KYNU: variants seen among roughly 807,000 people sequenced by gnomAD.
KYNU encodes kynureninase.
KYNU carries 54 observed loss-of-function variants against 59.2 expected under a neutral mutation model. The observed-to-expected ratio is 0.91, with a 90% CI of 0.73 to 1.14. The LOEUF (loss-of-function observed/expected upper bound fraction) is 1.14, where lower values mean the gene tolerates loss of function less well. KYNU is among the 50% of genes most tolerant of loss of function. KYNU has a pLI of 0.00. For missense variants in KYNU, 567 were observed against 554.4 expected, an observed-to-expected ratio of 1.02 and a Z score of -0.23; for synonymous variants, 177 against 192.0, an observed-to-expected ratio of 0.92 and a Z score of 0.65.
chr2:142,929,816 G>A (rs2105020033), intron 4 of KYNU, among the ~76,000 whole-genome samples: 1 of 152,230 alleles, frequency 6.6e-6, no homozygotes, highest in East Asian at 1.9e-4. Context: ...TGAAAACCAA[G>A]GTTCTTATTA....
chr2:143,030,623 C>T (rs1257705473), intron 11 of KYNU, among the ~76,000 whole-genome samples: 1 of 151,964 alleles, frequency 6.6e-6, no homozygotes, highest in Admixed American at 6.6e-5. Flanking sequence ...TAGAGGTGTG[C>T]ACCACCATGA....
intron 8 of KYNU, among the ~76,000 whole-genome samples, chr2:142,971,619 A>C (rs1684727528): frequency 6.6e-6 from 1 of 152,202 alleles, no homozygotes; most frequent in Non-Finnish European, 1.5e-5. Flanking sequence ...AGAGTGTTCA[A>C]TGACTGATTG....
intron 10 of KYNU, among the ~76,000 whole-genome samples, chr2:143,022,064 A>G (rs192946972): frequency 6.6e-6 from 1 of 152,286 alleles, no homozygotes; most frequent in Non-Finnish European, 1.5e-5. Context: ...ATGTAACTTG[A>G]AAGTACAGTA....
chr2:142,898,611 C>T (rs1031505192), intron 2 of KYNU, among the ~76,000 whole-genome samples: 1 of 152,102 alleles, frequency 6.6e-6, no homozygotes, highest in Non-Finnish European at 1.5e-5. Context: ...CAAAAATAAA[C>T]ATTAATTATA....
rs566341703 is a variant in KYNU at position 142,930,653 on chromosome 2, C to T, written c.373+2912C>T. 3.3e-5 allele frequency among the ~76,000 whole-genome samples: 5 copies of T among 152,242 alleles called. No individual in the cohort carries two copies. In the South Asian group the frequency reaches 1.0e-3, roughly 32 times the overall value. On this transcript the variant is annotated intron_variant, in intron 4 of 13. Transcript: ENST00000264170. ...GAGGAAACAGTTCTCTGGTGTCTCT[C>T]ACACGTCTTATAAGGACACCTAAGG...
rs1283524057 is a variant in KYNU, at chr2:142,918,735, T to C, written c.290+6T>C. 3.7e-6 allele frequency: 6 copies of C among 1,609,776 alleles called. No individual in the cohort carries two copies. The African/African-American group carries it at 6.7e-5, about 18-fold the overall frequency. ...CTAGATAAGTGGGCCAAAATGTAAG[T>C]ATTATTTTAAAAGCTACTACTCTAC... is the stretch of plus-strand genomic sequence containing the variant. On this transcript the variant is annotated splice_donor_region_variant and intron_variant, in intron 3 of 13. Coordinates refer to ENST00000264170, the MANE Select transcript of KYNU (RefSeq NM_003937.3).
rs1558990211 is a variant in KYNU at position 143,042,610 on chromosome 2, A to ATG, written c.*439_*440insGT. On this transcript the variant is annotated 3_prime_UTR_variant, in exon 14 of 14. Transcript: ENST00000264170. ...TATATATATATATATATATATATAT[A>ATG]TATATATATATATATATATATGTGT... 7 of 10,018 alleles carry ATG rather than the reference A, an allele frequency of 7.0e-4. No individual in the cohort carries two copies. The highest frequency in any genetic ancestry group is 4.2e-3 in the East Asian group (2 of 472). 0.6% of individuals were successfully genotyped at this position (10,018 alleles called of 1,614,324 possible). A position where few individuals can be genotyped will look rare whatever the true frequency, so the allele number is the denominator to read the frequency against.
intron 4 of KYNU, among the ~76,000 whole-genome samples, chr2:142,928,993 G>A (rs1266590439): frequency 8.2e-6 from 1 of 122,614 alleles, no homozygotes; most frequent in African/African-American, 3.2e-5. Flanking sequence ...GGACGACAGG[G>A]TGACACCCTG....
In KYNU at chr2:143,018,764, G is replaced by T. The variant is rs1041852031; in HGVS notation, c.903-10863G>T. ...CATTTTAACAATATTGATTCCATGA[G>T]CAAGGAATGTTTTTCCATTTGTGTC... On this transcript the variant is annotated intron_variant, in intron 10 of 13. Coordinates refer to ENST00000264170, the MANE Select transcript of KYNU (RefSeq NM_003937.3). Among the ~76,000 whole-genome samples, 4 of 152,120 alleles carry T rather than the reference G, an allele frequency of 2.6e-5. No individual in the cohort carries two copies. In the East Asian group the frequency reaches 7.7e-4, roughly 29 times the overall value.
At chr2:142,999,007 CAAAAAAAAAAAAAAAAA>C (rs59742828) in intron 10 of KYNU, among the ~76,000 whole-genome samples, 1 of 63,490 alleles carries the variant, frequency 1.6e-5, no homozygotes, top group African/African-American at 7.1e-5. Flanking sequence ...GACTCCGTCT[CAAAAAAAAAAAAAAAAA>C]AAAAAAAAAA....
chr2:142,939,374 C>T (rs1488187466), intron 4 of KYNU, among the ~76,000 whole-genome samples: 1 of 151,932 alleles, frequency 6.6e-6, no homozygotes, highest in South Asian at 2.1e-4. Flanking sequence ...GAGGCTGAAG[C>T]GGGCAGATCA....
At position 142,918,579 on chromosome 2, in the gene KYNU, T is replaced by A. The variant is rs531759090; in HGVS notation, c.170-30T>A. 2,121 of 1,503,426 alleles carry A rather than the reference T, an allele frequency of 1.4e-3. 20 individuals are homozygous for A. The African/African-American group carries it at 0.024, about 17-fold the overall frequency. 93.1% of individuals were successfully genotyped at this position (1,503,426 alleles called of 1,614,324 possible). On this transcript the variant is annotated intron_variant, in intron 2 of 13. Coordinates refer to ENST00000264170, the MANE Select transcript of KYNU (RefSeq NM_003937.3). ...CATACTGAAAAAGCTTTTATTTTTT[T>A]TTTTTTTTTTGACATTTCTTCTGTT...
chr2:142,996,158 C>T (rs141836656), intron 10 of KYNU, among the ~76,000 whole-genome samples: 13 of 152,090 alleles, frequency 8.5e-5, no homozygotes, highest in Admixed American at 6.6e-4. Context: ...TTCTTGAAGA[C>T]GGAATTGTAG....
intron 2 of KYNU, among the ~76,000 whole-genome samples, chr2:142,901,344 T>C (rs979423680): frequency 3.3e-5 from 5 of 152,216 alleles, no homozygotes; most frequent in Admixed American, 3.3e-4. Context: ...GGTTCCCCGT[T>C]CTATTTCTCC....
intron 10 of KYNU, among the ~76,000 whole-genome samples, chr2:142,996,779 A>G (rs1685559064): frequency 1.3e-5 from 2 of 152,172 alleles, no homozygotes; most frequent in South Asian, 4.1e-4. Flanking sequence ...TTCATGAGGA[A>G]CAAGATTACA....
At chr2:142,926,844 T>A in intron 3 of KYNU, among the ~76,000 whole-genome samples, 1 of 152,068 alleles carries the variant, frequency 6.6e-6, no homozygotes, top group East Asian at 1.9e-4. Flanking sequence ...GGTTCAACTT[T>A]ATTAAATGTT....
intron 2 of KYNU, among the ~76,000 whole-genome samples, chr2:142,893,246 G>A (rs1681768598): frequency 6.6e-6 from 1 of 152,148 alleles, no homozygotes; most frequent in South Asian, 2.1e-4. Context: ...GAAGAAGGTG[G>A]TAGAAACAAA....
chr2:142,984,275 T>C (rs1685134732), intron 8 of KYNU, among the ~76,000 whole-genome samples: 1 of 152,066 alleles, frequency 6.6e-6, no homozygotes, highest in Admixed American at 6.6e-5. Flanking sequence ...AATTATGTAT[T>C]ACTACTATAT....
At position 142,883,242 on chromosome 2, in the gene KYNU, G is replaced by A. The variant is rs1383689651; in HGVS notation, c.-19-2107G>A. ...ATGGAGTCTCGCTGTCGCCCAGGCT[G>A]GAGTGCAGTGGTGCAACCTCGGCTC... On this transcript the variant is annotated intron_variant, in intron 1 of 13. Coordinates refer to ENST00000264170, the MANE Select transcript of KYNU (RefSeq NM_003937.3). Among the ~76,000 whole-genome samples, 20 of 128,004 alleles carry A rather than the reference G, an allele frequency of 1.6e-4. No homozygotes were observed. The Admixed American group carries it at 1.9e-3, about 12-fold the overall frequency. 84.0% of individuals were successfully genotyped at this position (128,004 alleles called of 152,430 possible). A position where few individuals can be genotyped will look rare whatever the true frequency, so the allele number is the denominator to read the frequency against.
Sources: gnomAD v4.1 joint callset for allele counts (sites outside exome capture counted in the v4.1 genomes callset) on GRCh38, gnomAD v4.1.1 for gene constraint, MANE v1.5 for transcripts, NCBI Gene and HGNC (gene_info 2026-07-23, HGNC 2026-07-21) for gene names.